The following INPP4B variants were observed in gnomAD, a reference collection of about 807,000 sequenced individuals.
INPP4B encodes the protein inositol polyphosphate-4-phosphatase type II B.
INPP4B carries 55 observed loss-of-function variants against 122.5 expected under a neutral mutation model. The ratio of observed to expected loss-of-function variants is 0.45; its 90% CI spans 0.36 to 0.56. The LOEUF is 0.56. INPP4B is among the 20% of genes least tolerant of loss of function. The pLI is 0.00. For missense variants in INPP4B, 1,000 were observed against 1,097.7 expected, an observed-to-expected ratio of 0.91 and a Z score of 1.26; for synonymous variants, 403 against 388.7, an observed-to-expected ratio of 1.04 and a Z score of -0.43.
At chr4:142,811,145 C>T (rs575043913) in intron 1 of INPP4B, among the ~76,000 whole-genome samples, 3 of 152,248 alleles carry the variant, frequency 2.0e-5, no homozygotes, top group South Asian at 4.1e-4. Context: ...GATTGGGGCT[C>T]GATGCAGTGC....
chr4:142,160,960 T>G (rs1167986866), intron 16 of INPP4B, among the ~76,000 whole-genome samples: 3 of 152,032 alleles, frequency 2.0e-5, no homozygotes, highest in Admixed American at 6.6e-5. Flanking sequence ...TCTATGTGTA[T>G]TTTATTAAAA....
At chr4:142,085,558 A>G (rs532527729) in intron 24 of INPP4B, among the ~76,000 whole-genome samples, 1 of 152,288 alleles carries the variant, frequency 6.6e-6, no homozygotes, top group East Asian at 1.9e-4. Flanking sequence ...GTTATCTCTA[A>G]TTCTTATAGA....
At chr4:142,797,552 G>C (rs1777425904) in intron 1 of INPP4B, among the ~76,000 whole-genome samples, 1 of 151,666 alleles carries the variant, frequency 6.6e-6, no homozygotes, top group Non-Finnish European at 1.5e-5. Context: ...AAAATATTTG[G>C]AATCATCAAA....
chr4:142,152,311 A>G (rs928413729), intron 17 of INPP4B, among the ~76,000 whole-genome samples: 7 of 151,758 alleles, frequency 4.6e-5, no homozygotes, highest in African/African-American at 1.7e-4. Flanking sequence ...TCCTGAGCTC[A>G]TGATCCACCC....
intron 1 of INPP4B, among the ~76,000 whole-genome samples, chr4:142,731,014 T>C (rs1050139939): frequency 2.0e-5 from 3 of 152,118 alleles, no homozygotes; most frequent in South Asian, 2.1e-4. Context: ...ATGCAGGACA[T>C]GTAGGTTTGT....
At chr4:142,153,765 T>G (rs1165459760) in intron 17 of INPP4B, among the ~76,000 whole-genome samples, 2 of 152,192 alleles carry the variant, frequency 1.3e-5, no homozygotes, top group Admixed American at 1.3e-4. Context: ...CTAGGATGTA[T>G]AAGATGTGTT....
At chr4:142,790,262 G>A (rs1580923702) in intron 1 of INPP4B, among the ~76,000 whole-genome samples, 1 of 151,726 alleles carries the variant, frequency 6.6e-6, no homozygotes, top group African/African-American at 2.4e-5. Context: ...GGAACCGTCA[G>A]CAGAGTAAAC....
chr4:142,251,492 T>C (rs575836200), intron 11 of INPP4B, among the ~76,000 whole-genome samples: 1 of 152,356 alleles, frequency 6.6e-6, no homozygotes, highest in Admixed American at 6.5e-5. Context: ...AGAGCACTAA[T>C]AACTCAGATG....
chr4:142,720,749 C>CATATATATAA (rs1764457166), intron 2 of INPP4B, among the ~76,000 whole-genome samples: 1 of 38,898 alleles, frequency 2.6e-5, no homozygotes, highest in African/African-American at 1.1e-4. Context: ...TATATATATA[C>CATATATATAA]ATATATATAT....
At chr4:142,645,722 T>C (rs1420275560) in intron 2 of INPP4B, among the ~76,000 whole-genome samples, 1 of 152,208 alleles carries the variant, frequency 6.6e-6, no homozygotes, top group Admixed American at 6.5e-5. Context: ...TGTTGAATTC[T>C]TGTTCACACT....
intron 25 of INPP4B, among the ~76,000 whole-genome samples, chr4:142,055,736 A>G (rs943808565): frequency 6.6e-6 from 1 of 151,934 alleles, no homozygotes; most frequent in Non-Finnish European, 1.5e-5. Flanking sequence ...GAATATTAGA[A>G]GGATCCTTTA....
At chr4:142,756,038 C>T (rs1397033821) in intron 1 of INPP4B, among the ~76,000 whole-genome samples, 1 of 152,000 alleles carries the variant, frequency 6.6e-6, no homozygotes, top group Non-Finnish European at 1.5e-5. Context: ...GGAGGGGAAT[C>T]ATAATTTGTC....
intron 10 of INPP4B, among the ~76,000 whole-genome samples, chr4:142,269,621 G>A (rs1744772052): frequency 6.6e-6 from 1 of 152,158 alleles, no homozygotes; most frequent in Non-Finnish European, 1.5e-5. Flanking sequence ...CCGTTAGCCA[G>A]GAGGAATAAG....
rs1218091516 is a variant in INPP4B at position 142,193,178 on chromosome 4, T to C, written c.1090A>G (p.Ile364Val). The C allele has an allele frequency of 6.2e-7, 1 of 1,610,698 alleles. No homozygotes were observed. Among genetic ancestry groups the C allele is most frequent in the Middle Eastern group, 1.7e-4 (1 of 6,060 alleles). ...TGGGCAGCTGGGGCTCCCACAGTGATGACATCGTAGAGAGCATCTGGAGTA... is the reference window on the plus strand; with the variant it reads ...TGGGCAGCTGGGGCTCCCACAGTGACGACATCGTAGAGAGCATCTGGAGTA... ...PHLKDALYDV[I>V]TVGAPAAHFQ... Residue 364 changes from isoleucine (I) to valine (V), a missense_variant, in exon 15 of 26, where the codon ATC (isoleucine) becomes GTC (valine). Physicochemically the swap from Ile to Val is conservative, Grantham distance 29. Transcript: ENST00000262992.
chr4:142,264,020 C>CG (rs1040477642), intron 10 of INPP4B, among the ~76,000 whole-genome samples: 3 of 151,824 alleles, frequency 2.0e-5, no homozygotes, highest in Admixed American at 1.3e-4. Context: ...AGGGTTGGGA[C>CG]GGGGAGACTC....
At chr4:142,728,313 A>C (rs1765594985) in intron 1 of INPP4B, among the ~76,000 whole-genome samples, 1 of 152,206 alleles carries the variant, frequency 6.6e-6, no homozygotes, top group Non-Finnish European at 1.5e-5. Context: ...CTAAATAAAG[A>C]AATTAGGAAG....
At chr4:142,464,903 C>T (rs1437733306) in intron 2 of INPP4B, among the ~76,000 whole-genome samples, 1 of 152,154 alleles carries the variant, frequency 6.6e-6, no homozygotes, top group African/African-American at 2.4e-5. Flanking sequence ...CTCTGTTGTA[C>T]AGAGTAGATG....
chr4:142,124,844 TA>T, intron 18 of INPP4B, 84 bp from the exon 19 acceptor site: 5 of 1,048,008 alleles, frequency 4.8e-6, no homozygotes, highest in Non-Finnish European at 6.5e-6. Context: ...AACTTATTTT[TA>T]ATTTTTCAGT....
At chr4:142,030,194 G>A in intron 25 of INPP4B, 1 of 1,535,640 alleles carries the variant, frequency 6.5e-7, no homozygotes, top group Non-Finnish European at 8.7e-7. Flanking sequence ...GGTGTGAGCT[G>A]ACAAGCAGCA....
Sources: allele counts gnomAD v4.1 joint callset (sites outside exome capture counted in the v4.1 genomes callset), GRCh38; gene constraint gnomAD v4.1.1; transcripts MANE v1.5; gene names NCBI Gene and HGNC (gene_info 2026-07-23, HGNC 2026-07-21).